DNAAF5: variants seen among roughly 807,000 people sequenced by gnomAD.
The protein encoded by DNAAF5 is HEAT repeat containing 2.
A neutral mutation model predicts 75.8 loss-of-function variants in DNAAF5; 64 were observed. That is an observed-to-expected ratio of 0.84 (90% CI 0.69 to 1.04). DNAAF5 has a LOEUF of 1.04. Among genes scored for constraint, DNAAF5 ranks in the 50% least tolerant of loss-of-function variants. The pLI is 0.00. For missense variants in DNAAF5, 1,269 were observed against 1,178.5 expected (o/e 1.08, Z -1.12); for synonymous variants, 657 against 557.2 (o/e 1.18, Z -2.52).
intron 11 of DNAAF5, chr7:778,045 G>C (rs1005038339): frequency 6.6e-6 from 1 of 152,176 alleles, no homozygotes; most frequent in Non-Finnish European, 1.5e-5. Flanking sequence ...TACACACGGC[G>C]CTGGGCAGAA....
intron 4 of DNAAF5, among the ~76,000 whole-genome samples, chr7:748,260 G>A (rs1401712206): frequency 3.0e-5 from 3 of 100,380 alleles, no homozygotes; most frequent in Admixed American, 1.0e-4. Context: ...GAGCGTGTCC[G>A]GCTGGTGTGC....
At chr7:749,912 T>C (rs569418538) in intron 4 of DNAAF5, among the ~76,000 whole-genome samples, 1 of 152,302 alleles carries the variant, frequency 6.6e-6, no homozygotes, top group East Asian at 1.9e-4. Context: ...TCAGTCAGGC[T>C]GGTCTCCAAC....
At chr7:745,584 C>T (rs1460140436) in intron 4 of DNAAF5, among the ~76,000 whole-genome samples, 1 of 152,074 alleles carries the variant, frequency 6.6e-6, no homozygotes, top group Non-Finnish European at 1.5e-5. Flanking sequence ...CACCCATATA[C>T]ACATCTGCAC....
At chr7:780,840 T>G (rs896348582) in intron 12 of DNAAF5, among the ~76,000 whole-genome samples, 1 of 148,710 alleles carries the variant, frequency 6.7e-6, no homozygotes, top group Non-Finnish European at 1.5e-5. Context: ...TTTTTTTTTT[T>G]GTTTTGTTTT....
At position 756,970 on chromosome 7, in the gene DNAAF5, C is replaced by G. The variant is rs571248637; in HGVS notation, c.1446C>G (p.Ala482=). ...CCATCGCCACAGAGCTGGCACAGGC[C>G]CACATCTGCCAGGCATCTGAAAACG... The part of the protein sequence containing the change: ...LAAIATELAQ[A]HICQASENDL... The change falls in exon 6 of 13, where the codon GCC becomes GCG. Residue 482 remains alanine, a synonymous_variant. Coordinates refer to ENST00000297440, the MANE Select transcript of DNAAF5 (RefSeq NM_017802.4). The G allele has an allele frequency of 2.4e-4, 383 of 1,605,076 alleles. 5 individuals carry two copies. The South Asian group carries it at 3.7e-3, about 16-fold the overall frequency.
At chr7:773,570 C>G (rs1239265214) in intron 9 of DNAAF5, among the ~76,000 whole-genome samples, 1 of 152,176 alleles carries the variant, frequency 6.6e-6, no homozygotes, top group African/African-American at 2.4e-5. Flanking sequence ...CATCCCGCCT[C>G]TGTGAAGCCG....
At position 785,845 on chromosome 7, in the gene DNAAF5, G is replaced by C; in HGVS notation, c.*192G>C. ...GTGGATTCTGCATGTTATGTGATTT[G>C]TTCTGTTCATCGAGAGGGCTCCCAA... On this transcript the variant is annotated 3_prime_UTR_variant, in exon 13 of 13. Transcript: ENST00000297440. The C allele has an allele frequency of 1.6e-6, 1 of 623,012 alleles. No individual in the cohort carries two copies. The highest frequency in any genetic ancestry group is 2.7e-6 in the Non-Finnish European group (1 of 373,902). The allele number at this position is 623,012 out of a possible 1,614,324, so 38.6% of individuals were successfully genotyped here.
At chr7:779,650 T>C (rs1021088500) in intron 11 of DNAAF5, among the ~76,000 whole-genome samples, 1 of 151,676 alleles carries the variant, frequency 6.6e-6, no homozygotes, top group African/African-American at 2.4e-5. Flanking sequence ...TGCGAGGAGG[T>C]GGAGGACCAG....
intron 1 of DNAAF5, chr7:727,799 C>G (rs2128067378): frequency 7.1e-6 from 1 of 141,552 alleles, no homozygotes; most frequent in African/African-American, 2.7e-5. Context: ...ACCCTCACCT[C>G]CCACCCTCCT....
chr7:729,613 C>A, intron 1 of DNAAF5, 50 bp from the exon 2 acceptor site: 1 of 1,564,436 alleles, frequency 6.4e-7, no homozygotes, highest in South Asian at 1.2e-5. Context: ...CAGAGCTGGG[C>A]GAGGCGTGTG....
At chr7:731,761 C>T (rs1213383755) in intron 2 of DNAAF5, among the ~76,000 whole-genome samples, 1 of 152,130 alleles carries the variant, frequency 6.6e-6, no homozygotes, top group Non-Finnish European at 1.5e-5. Flanking sequence ...ATTCTTCCAG[C>T]ATGGCCCGTT....
intron 12 of DNAAF5, among the ~76,000 whole-genome samples, chr7:785,296 A>C (rs1779111496): frequency 6.8e-6 from 1 of 147,508 alleles, no homozygotes. Flanking sequence ...CATTGTGACT[A>C]CTGTGTCCCC....
chr7:729,963 C>G (rs532378127), intron 2 of DNAAF5, 116 bp downstream of exon 2: 5 of 966,898 alleles, frequency 5.2e-6, no homozygotes, highest in African/African-American at 4.8e-5. Context: ...ACCAAATGTC[C>G]TTTCATTATT....
intron 11 of DNAAF5, among the ~76,000 whole-genome samples, 189 bp downstream of exon 11, chr7:775,351 C>T (rs1778724839): frequency 1.3e-5 from 2 of 152,124 alleles, no homozygotes; most frequent in South Asian, 4.1e-4. Context: ...TTGAGACCAG[C>T]CTGGGCAACA....
chr7:742,183 G>A (rs1226646816), intron 4 of DNAAF5, among the ~76,000 whole-genome samples: 1 of 152,194 alleles, frequency 6.6e-6, no homozygotes, highest in Non-Finnish European at 1.5e-5. Context: ...TCTTCCACTT[G>A]CACGCGGTCA....
At chr7:734,716 C>T (rs1305387113) in intron 2 of DNAAF5, among the ~76,000 whole-genome samples, 1 of 152,200 alleles carries the variant, frequency 6.6e-6, no homozygotes, top group East Asian at 1.9e-4. Context: ...CTTTTCTTTG[C>T]TCAGTGGCTT....
At chr7:728,080 G>A (rs1347781006) in intron 1 of DNAAF5, among the ~76,000 whole-genome samples, 1 of 152,152 alleles carries the variant, frequency 6.6e-6, no homozygotes, top group Admixed American at 6.5e-5. Context: ...CTAAGTGGAA[G>A]GAGGCCGCTT....
Position 751,481 on chromosome 7 carries a change from C to T in DNAAF5, c.1025-3108C>T, listed in dbSNP as rs536139254. Among the ~76,000 whole-genome samples, 19 of 151,648 alleles carry T rather than the reference C, an allele frequency of 1.3e-4. No individual in the cohort carries two copies. In the East Asian group the frequency reaches 2.3e-3, roughly 19 times the overall value. On this transcript the variant is annotated intron_variant, in intron 4 of 12. Transcript: ENST00000297440. ...TACCACTGCACTCCAGCCTGGGTGACAGAGTGAGACCCTTTCTCTAAAAAT... is the reference window on the plus strand; with the variant it reads ...TACCACTGCACTCCAGCCTGGGTGATAGAGTGAGACCCTTTCTCTAAAAAT...
Position 775,180 on chromosome 7 carries a change from T to C in DNAAF5, c.2239+18T>C. On this transcript the variant is annotated intron_variant, in intron 11 of 12. Transcript: ENST00000297440. ...TTATCCTGGTAGGACATTTCTGTTG[T>C]TCACAGCCTGTGTATATGCAGTCAG... 2.5e-6 allele frequency: 4 copies of C among 1,613,250 alleles called. No individual in the cohort carries two copies. Among genetic ancestry groups the C allele is most frequent in the Non-Finnish European group, 2.5e-6 (3 of 1,179,298 alleles).
Sources: gnomAD v4.1 joint callset for allele counts (sites outside exome capture counted in the v4.1 genomes callset) on GRCh38, gnomAD v4.1.1 for gene constraint, MANE v1.5 for transcripts, NCBI Gene and HGNC (gene_info 2026-07-23, HGNC 2026-07-21) for gene names.